The following CD164 variants were observed in gnomAD, a reference collection of about 807,000 sequenced individuals.
CD164 encodes the protein sialomucin core protein 24.
Under a neutral mutation model 24.6 loss-of-function variants are expected in CD164, and 11 were observed. The observed-to-expected ratio is 0.45, with a 90% CI of 0.28 to 0.74. The LOEUF is 0.74. Among genes scored for constraint, CD164 ranks in the 30% least tolerant of loss-of-function variants. The probability of loss-of-function intolerance (pLI) is 0.13; values close to 1 mark genes in which losing one functional copy is unlikely to be tolerated. For missense variants in CD164, 295 were observed against 243.7 expected (o/e 1.21, Z -1.40); for synonymous variants, 126 against 100.3 (o/e 1.26, Z -1.53).
intron 5 of CD164, among the ~76,000 whole-genome samples, chr6:109,369,975 G>C (rs1182436204): frequency 6.6e-6 from 1 of 152,118 alleles, no homozygotes; most frequent in Admixed American, 6.5e-5. Context: ...GTTAAGAAAT[G>C]GTTAAGAAAG....
At chr6:109,380,018 A>C (rs1771648165) in intron 1 of CD164, 2 of 165,632 alleles carry the variant, frequency 1.2e-5, no homozygotes, top group African/African-American at 2.4e-5. Context: ...GCTTTGATAT[A>C]ATACCAACAC....
chr6:109,382,320 A>T lies in CD164; in HGVS notation c.59T>A (p.Val20Glu), dbSNP rs1771819817. Residue 20 changes from valine (V) to glutamate (E), a missense_variant, in exon 1 of 6, where the codon GTG becomes GAG. Coordinates refer to ENST00000310786, the MANE Select transcript of CD164 (RefSeq NM_006016.6). ...GGTCGTGTTCTTGTCCGCGGACAGC[A>T]CGCAGAGCACGCCCAGGCAGGTGGC... ...WAATCLGVLC[V>E]LSADKNTTQH... 6.3e-7 allele frequency: 1 copy of T among 1,574,964 alleles called. No individual in the cohort carries two copies. The highest frequency in any genetic ancestry group is 8.6e-7 in the Non-Finnish European group (1 of 1,164,690).
intron 1 of CD164, chr6:109,381,517 C>T (rs1455237646): frequency 1.6e-5 from 11 of 702,484 alleles, no homozygotes; most frequent in Non-Finnish European, 2.9e-5. Flanking sequence ...CCAGTTTAGC[C>T]TTAGGATACG....
intron 5 of CD164, among the ~76,000 whole-genome samples, chr6:109,370,158 G>C (rs908694229): frequency 6.6e-6 from 1 of 152,042 alleles, no homozygotes; most frequent in African/African-American, 2.4e-5. Context: ...TGAAATGTTT[G>C]GAAAAACATT....
intron 3 of CD164, among the ~76,000 whole-genome samples, chr6:109,377,564 CAA>C (rs761196974): frequency 6.6e-6 from 1 of 151,368 alleles, no homozygotes; most frequent in Non-Finnish European, 1.5e-5. Flanking sequence ...ATCGCAACAC[CAA>C]AAGTGCCAGA....
intron 3 of CD164, 44 bp from the exon 4 acceptor site, chr6:109,376,156 T>G: frequency 7.1e-7 from 1 of 1,407,494 alleles, no homozygotes; most frequent in South Asian, 1.3e-5. Context: ...ATCAAAGCTA[T>G]TTAAAATATC....
intron 4 of CD164, among the ~76,000 whole-genome samples, chr6:109,375,617 C>CAAAA (rs58138405): frequency 1.4e-4 from 10 of 71,390 alleles, no homozygotes; most frequent in Middle Eastern, 0.01. Context: ...ACTTCGCTTC[C>CAAAA]AAAAAAAAAA....
chr6:109,382,095 GCCCGCCCGCCCGACCGTGGCCCGAA>G (rs1298845321), intron 1 of CD164, 84 bp downstream of exon 1: 3 of 1,002,416 alleles, frequency 3.0e-6, no homozygotes, highest in South Asian at 4.0e-5. Context: ...CCCGAGCGCG[GCCCGCCCGCCCGACCGTGGCCCGAA>G]CCCGGGCCCC....
chr6:109,379,020 C>G (rs923343405), intron 2 of CD164, among the ~76,000 whole-genome samples: 1 of 152,074 alleles, frequency 6.6e-6, no homozygotes, highest in African/African-American at 2.4e-5. Context: ...AATGTACGTC[C>G]CTTTAGCGCT....
chr6:109,375,065 T>A (rs1771316809), intron 4 of CD164, among the ~76,000 whole-genome samples: 1 of 152,230 alleles, frequency 6.6e-6, no homozygotes, highest in African/African-American at 2.4e-5. Flanking sequence ...TAGTAAATTT[T>A]AAGGAGTTCT....
At chr6:109,380,349 T>C (rs1771666611) in intron 1 of CD164, 1 of 152,182 alleles carries the variant, frequency 6.6e-6, no homozygotes, top group East Asian at 1.9e-4. Flanking sequence ...AAGAACGGAC[T>C]ATAAAATTGG....
intron 1 of CD164, chr6:109,381,962 G>T (rs1019545232): frequency 3.7e-5 from 14 of 379,718 alleles, no homozygotes; most frequent in Non-Finnish European, 6.1e-5. Context: ...ACACTTCGAG[G>T]GGGGCCCCAG....
At position 109,375,763 on chromosome 6, in the gene CD164, TGA is replaced by T. The variant is rs1249223616; in HGVS notation, c.370+309_370+310del. The T allele has an allele frequency of 1.2e-3, 317 of 270,594 alleles. 3 individuals are homozygous for T. Among genetic ancestry groups the T allele is most frequent in the East Asian group, 2.8e-4 (4 of 14,146 alleles). 16.8% of individuals were successfully genotyped at this position (270,594 alleles called of 1,614,324 possible). ...AAAACATTTTGGTTGCTCTGGATGA[TGA>T]GAATTATAATTTGCTTTAGGCTTCT... On this transcript the variant is annotated intron_variant, in intron 4 of 5. Transcript: ENST00000310786.
chr6:109,370,722 A>G, intron 4 of CD164: 1 of 353,378 alleles, frequency 2.8e-6, no homozygotes, highest in Non-Finnish European at 5.2e-6. Flanking sequence ...ATCTATGTAT[A>G]CATCTGGATA....
At chr6:109,375,202 T>C (rs1771324143) in intron 4 of CD164, among the ~76,000 whole-genome samples, 1 of 152,174 alleles carries the variant, frequency 6.6e-6, no homozygotes, top group African/African-American at 2.4e-5. Context: ...CTCAAACCTA[T>C]CAGAGATAAA....
At position 109,368,487 on chromosome 6, in the gene CD164, T is replaced by C; in HGVS notation, c.*364A>G. On this transcript the variant is annotated 3_prime_UTR_variant, in exon 6 of 6. Coordinates refer to ENST00000310786, the MANE Select transcript of CD164 (RefSeq NM_006016.6). ...GTTCTTCTCAATTCTGTTCACTAAA[T>C]TAAAATTACTAAATTTAAACTGCCA... 7 of 1,354,664 alleles carry C rather than the reference T, an allele frequency of 5.2e-6. No individual in the cohort carries two copies. The highest frequency in any genetic ancestry group is 6.6e-6 in the Non-Finnish European group (7 of 1,058,520). 83.9% of individuals were successfully genotyped at this position (1,354,664 alleles called of 1,614,324 possible).
intron 2 of CD164, among the ~76,000 whole-genome samples, chr6:109,378,537 ACT>A (rs1562242521): frequency 6.6e-6 from 1 of 152,144 alleles, no homozygotes; most frequent in Non-Finnish European, 1.5e-5. Context: ...CACTGTAGAA[ACT>A]CTATTCCAAA....
intron 4 of CD164, chr6:109,372,093 A>G (rs571374653): frequency 6.6e-6 from 1 of 152,352 alleles, no homozygotes; most frequent in South Asian, 2.1e-4. Flanking sequence ...AAAGACAGGG[A>G]AAGGGTGCCA....
At chr6:109,382,087 C>G (rs1175075317) in intron 1 of CD164, 117 bp downstream of exon 1, 13 of 913,032 alleles carry the variant, frequency 1.4e-5, no homozygotes, top group Middle Eastern at 3.9e-4. Context: ...CGCCGCACCC[C>G]GAGCGCGGCC....
Sources: gnomAD v4.1 joint callset for allele counts (sites outside exome capture counted in the v4.1 genomes callset) on GRCh38, gnomAD v4.1.1 for gene constraint, MANE v1.5 for transcripts, NCBI Gene and HGNC (gene_info 2026-07-23, HGNC 2026-07-21) for gene names.